EHBP1: variants seen among roughly 807,000 people sequenced by gnomAD.
EHBP1 encodes the protein EH domain binding protein 1.
A neutral mutation model predicts 144.0 loss-of-function variants in EHBP1; 55 were observed. The ratio of observed to expected loss-of-function variants is 0.38; its 90% confidence interval spans 0.31 to 0.48. EHBP1 has a LOEUF of 0.48. Among genes scored for constraint, EHBP1 ranks in the 20% least tolerant of loss-of-function variants. The probability of loss-of-function intolerance (pLI) is 0.98; values close to 1 mark genes in which losing one functional copy is unlikely to be tolerated. For synonymous variants in EHBP1, 469 were observed against 472.7 expected (o/e 0.99, Z 0.10); for missense variants, 1,200 against 1,364.2 (o/e 0.88, Z 1.90).
intron 19 of EHBP1, among the ~76,000 whole-genome samples, chr2:63,022,375 C>T (rs1307787564): frequency 7.9e-5 from 12 of 151,916 alleles, no homozygotes; most frequent in Non-Finnish European, 1.2e-4. Flanking sequence ...AGTGCAATGG[C>T]GCAATCTCAG....
chr2:63,017,590 A>G (rs1460416608), intron 19 of EHBP1, among the ~76,000 whole-genome samples: 2 of 152,180 alleles, frequency 1.3e-5, no homozygotes, highest in Non-Finnish European at 2.9e-5. Context: ...AGCTCCATAA[A>G]TGTTAGCTAT....
At chr2:63,012,084 A>G (rs2060290992) in intron 19 of EHBP1, among the ~76,000 whole-genome samples, 1 of 151,934 alleles carries the variant, frequency 6.6e-6, no homozygotes, top group African/African-American at 2.4e-5. Context: ...AAACATAGAA[A>G]AGGCTAACCA....
intron 7 of EHBP1, among the ~76,000 whole-genome samples, chr2:62,855,640 G>T (rs1217887263): frequency 6.6e-6 from 1 of 152,168 alleles, no homozygotes; most frequent in Non-Finnish European, 1.5e-5. Flanking sequence ...CCTGGGCTCT[G>T]TCAGAGCTGA....
At chr2:62,810,395 TGACAGTAGA>T (rs1291913303) in intron 5 of EHBP1, among the ~76,000 whole-genome samples, 4 of 152,148 alleles carry the variant, frequency 2.6e-5, no homozygotes, top group Non-Finnish European at 4.4e-5. Flanking sequence ...TAGGGAGAAG[TGACAGTAGA>T]GATGGGAAGA....
chr2:62,918,881 GACA>G (rs1241960202), intron 10 of EHBP1, among the ~76,000 whole-genome samples: 3 of 152,284 alleles, frequency 2.0e-5, no homozygotes, highest in South Asian at 4.2e-4. Context: ...TCCCAACCGA[GACA>G]ACATTTGCAC....
chr2:62,830,384 C>T (rs779761540), intron 6 of EHBP1, among the ~76,000 whole-genome samples: 4 of 151,982 alleles, frequency 2.6e-5, no homozygotes, highest in Non-Finnish European at 4.4e-5. Context: ...TCACCTGCCT[C>T]GGCCTCCCAA....
At chr2:62,990,632 C>A (rs1258752213) in intron 15 of EHBP1, 84 bp from the exon 16 acceptor site, 34 of 1,390,528 alleles carry the variant, frequency 2.4e-5, no homozygotes, top group Non-Finnish European at 3.3e-5. Flanking sequence ...TATAGTAATA[C>A]TTTTCTGAGC....
intron 19 of EHBP1, among the ~76,000 whole-genome samples, chr2:63,028,469 T>C (rs2061084043): frequency 6.6e-6 from 1 of 152,092 alleles, no homozygotes; most frequent in Admixed American, 6.5e-5. Flanking sequence ...TTGGTCTTGC[T>C]ATGTTCCACA....
chr2:62,935,344 A>AAAT lies in EHBP1; in HGVS notation c.1186-7373_1186-7372insATA, dbSNP rs1553479000. On this transcript the variant is annotated intron_variant, in intron 10 of 22. Coordinates refer to ENST00000431489, the MANE Select transcript of EHBP1 (RefSeq NM_001142616.3). ...ACTCCATCTCAAAAAAAAAAAAAAA[A>AAAT]ATATATATATATATATATATATCCA... 3.8e-3 allele frequency among the ~76,000 whole-genome samples: 463 copies of AAAT among 121,452 alleles called. 1 individual carries two copies. Among genetic ancestry groups the AAAT allele is most frequent in the Non-Finnish European group, 5.1e-3 (306 of 59,752 alleles). The allele number at this position is 121,452 out of a possible 152,430, so 79.7% of individuals were successfully genotyped here. A position where few individuals can be genotyped will look rare whatever the true frequency, so the allele number is the denominator to read the frequency against.
At chr2:62,786,464 G>A (rs1291958686) in intron 5 of EHBP1, among the ~76,000 whole-genome samples, 2 of 152,188 alleles carry the variant, frequency 1.3e-5, no homozygotes, top group East Asian at 3.9e-4. Flanking sequence ...GTGGTTCAAA[G>A]GGGAGGGGAA....
chr2:62,916,785 TATC>T (rs1027389458), intron 10 of EHBP1, among the ~76,000 whole-genome samples: 1 of 149,520 alleles, frequency 6.7e-6, no homozygotes, highest in African/African-American at 2.4e-5. Context: ...TTGTATATAT[TATC>T]TTTTATATAT....
chr2:62,858,923 A>C (rs1478351959), intron 7 of EHBP1, among the ~76,000 whole-genome samples: 1 of 152,152 alleles, frequency 6.6e-6, no homozygotes, highest in Non-Finnish European at 1.5e-5. Flanking sequence ...ATTGACATGG[A>C]AGTTTCTTTA....
In EHBP1 at chr2:62,914,684, A is replaced by G. The variant is rs185418923; in HGVS notation, c.1186-28034A>G. On this transcript the variant is annotated intron_variant, in intron 10 of 22. Coordinates refer to ENST00000431489, the MANE Select transcript of EHBP1 (RefSeq NM_001142616.3). ...TCTACTTAGAGAACTGAGTAAGGTA[A>G]TTAAAAATATTAAGTTGGTTCCATG... Among the ~76,000 whole-genome samples, 208 of 152,166 alleles carry G rather than the reference A, an allele frequency of 1.4e-3. 1 individual carries two copies. Among genetic ancestry groups the G allele is most frequent in the African/African-American group, 4.7e-3 (197 of 41,560 alleles).
chr2:62,970,920 A>G (rs984285743), intron 14 of EHBP1, among the ~76,000 whole-genome samples: 12 of 152,202 alleles, frequency 7.9e-5, no homozygotes, highest in South Asian at 2.1e-4. Flanking sequence ...AAGTAGCACC[A>G]TTGAAGCAGT....
At chr2:62,940,198 C>T (rs1054614936) in intron 10 of EHBP1, 1 of 342,550 alleles carries the variant, frequency 2.9e-6, no homozygotes, top group Non-Finnish European at 5.8e-6. Context: ...AGTTTATTGA[C>T]TTGCACAGTC....
At chr2:62,801,063 G>T (rs947476211) in intron 5 of EHBP1, among the ~76,000 whole-genome samples, 2 of 152,144 alleles carry the variant, frequency 1.3e-5, no homozygotes, top group African/African-American at 4.8e-5. Flanking sequence ...TTATTCAAAG[G>T]TTTATAACTA....
intron 19 of EHBP1, among the ~76,000 whole-genome samples, chr2:63,036,359 C>T (rs1192398644): frequency 1.3e-5 from 2 of 151,850 alleles, no homozygotes; most frequent in Admixed American, 1.3e-4. Flanking sequence ...ATAGACATAG[C>T]TATCAATGTG....
intron 14 of EHBP1, among the ~76,000 whole-genome samples, chr2:62,977,877 G>T (rs2058787133): frequency 6.6e-6 from 1 of 152,198 alleles, no homozygotes; most frequent in African/African-American, 2.4e-5. Context: ...TGGGGGGATA[G>T]TCAGGGGAGG....
At chr2:62,820,736 TAATATATATATATATA>T (rs1181040064) in intron 5 of EHBP1, among the ~76,000 whole-genome samples, 2 of 72,814 alleles carry the variant, frequency 2.7e-5, no homozygotes, top group African/African-American at 1.1e-4. Context: ...TGTGTGTGTA[TAATATATATATATATA>T]TATATATATA....
Sources: gnomAD v4.1 joint callset for allele counts (sites outside exome capture counted in the v4.1 genomes callset) on GRCh38, gnomAD v4.1.1 for gene constraint, MANE v1.5 for transcripts, NCBI Gene and HGNC (gene_info 2026-07-23, HGNC 2026-07-21) for gene names.